NELL2: variants seen among roughly 807,000 people sequenced by gnomAD.
NELL2 encodes the protein neural EGFL like 2.
Under a neutral mutation model 109.6 loss-of-function variants are expected in NELL2, and 41 were observed. That is an observed-to-expected ratio of 0.37 (90% CI 0.29 to 0.49). The LOEUF is 0.49. Among genes scored for constraint, NELL2 ranks in the 20% least tolerant of loss-of-function variants. NELL2 has a pLI of 0.98. For synonymous variants in NELL2, 355 were observed against 344.7 expected (o/e 1.03, Z -0.33); for missense variants, 900 against 1,008.3 (o/e 0.89, Z 1.45).
rs145532407 is a variant in NELL2 at position 44,578,112 on chromosome 12, T to C, written c.1663+29057A>G. ...TTCAGTAAGTATCTATTGAAGTAAA[T>C]GGTTGTTTTAACTCAATTTCTCTCT... On this transcript the variant is annotated intron_variant, in intron 15 of 19. Transcript: ENST00000429094. Among the ~76,000 whole-genome samples, 701 of 152,268 alleles carry C rather than the reference T, an allele frequency of 4.6e-3. 6 individuals are homozygous for C. Among genetic ancestry groups the C allele is most frequent in the African/African-American group, 0.016 (659 of 41,542 alleles).
chr12:44,891,550 T>C (rs1163340130), intron 1 of NELL2, among the ~76,000 whole-genome samples: 1 of 152,264 alleles, frequency 6.6e-6, no homozygotes, highest in East Asian at 1.9e-4. Flanking sequence ...ATTGAATTTT[T>C]GTTCATTCTT....
chr12:44,901,969 G>A (rs1375758364), intron 1 of NELL2, among the ~76,000 whole-genome samples: 1 of 152,164 alleles, frequency 6.6e-6, no homozygotes, highest in Non-Finnish European at 1.5e-5. Flanking sequence ...AAGGCTGGAA[G>A]CATTCCCTTT....
chr12:44,690,012 T>A (rs1268267281), intron 12 of NELL2, among the ~76,000 whole-genome samples: 2 of 152,162 alleles, frequency 1.3e-5, no homozygotes, highest in African/African-American at 4.8e-5. Flanking sequence ...TAAAAATCCA[T>A]CCTTAGAAAG....
At chr12:44,735,435 A>C (rs1199536340) in intron 9 of NELL2, among the ~76,000 whole-genome samples, 1 of 151,838 alleles carries the variant, frequency 6.6e-6, no homozygotes, top group Admixed American at 6.6e-5. Context: ...CTCCCTGAAA[A>C]ACCAAGATAA....
At chr12:44,723,602 T>C (rs1239077205) in intron 9 of NELL2, among the ~76,000 whole-genome samples, 2 of 152,222 alleles carry the variant, frequency 1.3e-5, no homozygotes, top group Non-Finnish European at 2.9e-5. Flanking sequence ...AGCCTTTCAA[T>C]GTGTTACCTA....
At chr12:44,652,414 G>A (rs563879180) in intron 13 of NELL2, among the ~76,000 whole-genome samples, 1 of 152,250 alleles carries the variant, frequency 6.6e-6, no homozygotes, top group South Asian at 2.1e-4. Flanking sequence ...CAATGAAAAT[G>A]TTCTAAAAAT....
rs768570498 is a variant in NELL2, at chr12:44,522,036, G to C, written c.2139C>G (p.Asp713Glu). 33 of 1,613,838 alleles carry C rather than the reference G, an allele frequency of 2.0e-5. No homozygotes were observed. Among genetic ancestry groups the C allele is most frequent in the Non-Finnish European group, 2.7e-5 (32 of 1,179,980 alleles). The change falls in exon 18 of 20, where the codon GAC becomes GAG. Residue 713 changes from aspartate to glutamate, a missense_variant. By Grantham distance (45) the Asp-to-Glu change is conservative. Coordinates refer to ENST00000429094, the MANE Select transcript of NELL2 (RefSeq NM_001145108.2). ...QNGETLYNSG[D>E]TWVQNCQQCR... Reference sequence around the variant, plus strand: ...ACTGTTGACAATTCTGGACCCAGGTGTCACCACTGTTATACAAAGTTTCCC... The same window carrying C: ...ACTGTTGACAATTCTGGACCCAGGTCTCACCACTGTTATACAAAGTTTCCC...
chr12:44,591,462 G>T (rs1944744651), intron 15 of NELL2, among the ~76,000 whole-genome samples: 1 of 111,772 alleles, frequency 8.9e-6, no homozygotes, highest in South Asian at 3.8e-4. Flanking sequence ...GGAAGAAATT[G>T]TGTCACTTAC....
At chr12:44,669,926 A>G (rs562566088) in intron 12 of NELL2, among the ~76,000 whole-genome samples, 12 of 152,346 alleles carry the variant, frequency 7.9e-5, no homozygotes, top group Middle Eastern at 3.4e-3. Flanking sequence ...CTGTAATTCA[A>G]CAAGGTCTTA....
chr12:44,701,724 G>A (rs1949236014), intron 12 of NELL2, among the ~76,000 whole-genome samples: 1 of 151,898 alleles, frequency 6.6e-6, no homozygotes, highest in Non-Finnish European at 1.5e-5. Context: ...CCTTATCCAG[G>A]CCATCAACAT....
intron 1 of NELL2, among the ~76,000 whole-genome samples, chr12:44,886,839 T>G (rs1945478955): frequency 6.6e-6 from 1 of 152,046 alleles, no homozygotes; most frequent in Non-Finnish European, 1.5e-5. Context: ...CAGCCTCTGA[T>G]AAGCAACAAT....
chr12:44,517,623 T>C (rs1298160396), intron 19 of NELL2, among the ~76,000 whole-genome samples: 2 of 152,138 alleles, frequency 1.3e-5, no homozygotes, highest in Non-Finnish European at 2.9e-5. Flanking sequence ...GTGGCTATTG[T>C]GCAGTTGAAA....
intron 9 of NELL2, among the ~76,000 whole-genome samples, chr12:44,724,072 ATG>A (rs1276677985): frequency 6.6e-6 from 1 of 152,046 alleles, no homozygotes; most frequent in Non-Finnish European, 1.5e-5. Context: ...ATAAAAAAGA[ATG>A]AGATCATGCC....
At chr12:44,900,787 G>A (rs532900228) in intron 1 of NELL2, among the ~76,000 whole-genome samples, 1 of 152,036 alleles carries the variant, frequency 6.6e-6, no homozygotes, top group Non-Finnish European at 1.5e-5. Context: ...TCAAGAGATC[G>A]AGACCTTCCT....
intron 2 of NELL2, among the ~76,000 whole-genome samples, chr12:44,871,151 T>C (rs979212346): frequency 6.6e-6 from 1 of 152,168 alleles, no homozygotes; most frequent in African/African-American, 2.4e-5. Flanking sequence ...TTCTTTGGAC[T>C]ACTCTTACAT....
chr12:44,621,637 A>T (rs538367747), intron 13 of NELL2, among the ~76,000 whole-genome samples: 2 of 152,202 alleles, frequency 1.3e-5, no homozygotes, highest in African/African-American at 2.4e-5. Flanking sequence ...ATTCTAAAAA[A>T]TAAACATTTG....
At chr12:44,809,772 AAC>A (rs1179350231) in intron 3 of NELL2, among the ~76,000 whole-genome samples, 2 of 152,034 alleles carry the variant, frequency 1.3e-5, no homozygotes, top group East Asian at 3.9e-4. Context: ...TTAATTCTGC[AAC>A]AGTGTGATCA....
At chr12:44,569,912 A>G (rs1342733254) in intron 15 of NELL2, among the ~76,000 whole-genome samples, 1 of 152,182 alleles carries the variant, frequency 6.6e-6, no homozygotes, top group Non-Finnish European at 1.5e-5. Flanking sequence ...TTTAAAGGCT[A>G]ATTTCAAGGC....
upstream of NELL2, chr12:44,876,898 GGA>G (rs770493773): frequency 6.3e-5 from 80 of 1,271,328 alleles, no homozygotes; most frequent in Non-Finnish European, 7.6e-5. Flanking sequence ...GTGTCCTGGT[GGA>G]GAGGTTCCCT....
Sources: allele counts gnomAD v4.1 joint callset (sites outside exome capture counted in the v4.1 genomes callset), GRCh38; gene constraint gnomAD v4.1.1; transcripts MANE v1.5; gene names NCBI Gene and HGNC (gene_info 2026-07-23, HGNC 2026-07-21).